PLCL1: variants seen among roughly 807,000 people sequenced by gnomAD.
PLCL1 encodes inactive phospholipase C-like protein 1.
In PLCL1, 41 loss-of-function variants were observed where a neutral mutation model predicts 84.4. That is an observed-to-expected ratio of 0.49 (90% confidence interval 0.38 to 0.63). The LOEUF (loss-of-function observed/expected upper bound fraction) is 0.63, where lower values mean the gene tolerates loss of function less well. PLCL1 is among the 30% of genes least tolerant of loss of function. PLCL1 has a pLI of 0.00. For missense variants in PLCL1, 1,206 were observed against 1,367.8 expected, an observed-to-expected ratio of 0.88 and a Z score of 1.87; for synonymous variants, 490 against 488.3, an observed-to-expected ratio of 1.00 and a Z score of -0.05.
chr2:197,946,605 G>T (rs1472038313), intron 1 of PLCL1, among the ~76,000 whole-genome samples: 1 of 152,142 alleles, frequency 6.6e-6, no homozygotes, highest in Non-Finnish European at 1.5e-5. Context: ...CTGGAATCAA[G>T]GGAGAATATA....
chr2:198,140,016 C>G (rs911725359), intron 5 of PLCL1, among the ~76,000 whole-genome samples: 6 of 152,022 alleles, frequency 3.9e-5, no homozygotes, highest in Non-Finnish European at 7.4e-5. Flanking sequence ...TCAATGCAGC[C>G]TCCACCTCCT....
rs540568071 is a variant in PLCL1, at chr2:197,828,311, T to C, written c.240+22972T>C. ...AATGCCACATAGAAAACTTATATTA[T>C]TGAGACGTTTTGATGATCAAAATTA... On this transcript the variant is annotated intron_variant, in intron 1 of 5. Transcript: ENST00000428675. Among the ~76,000 whole-genome samples, 93 of 152,252 alleles carry C rather than the reference T, an allele frequency of 6.1e-4. 1 individual carries two copies. The highest frequency in any genetic ancestry group is 2.2e-3 in the African/African-American group (93 of 41,584).
chr2:198,075,188 C>T (rs1329444868), intron 1 of PLCL1, among the ~76,000 whole-genome samples: 1 of 152,172 alleles, frequency 6.6e-6, no homozygotes, highest in Non-Finnish European at 1.5e-5. Context: ...CAGGGGTCTC[C>T]TGAGGAAGGA....
At chr2:197,948,642 T>C (rs949909707) in intron 1 of PLCL1, among the ~76,000 whole-genome samples, 3 of 152,092 alleles carry the variant, frequency 2.0e-5, no homozygotes, top group Non-Finnish European at 4.4e-5. Context: ...AGGCACTCAG[T>C]GTATAGTTGT....
intron 1 of PLCL1, among the ~76,000 whole-genome samples, chr2:197,848,084 C>A (rs1272533475): frequency 6.6e-6 from 1 of 152,168 alleles, no homozygotes; most frequent in Non-Finnish European, 1.5e-5. Flanking sequence ...TAGATGAATT[C>A]TGATAAAGCA....
chr2:197,980,874 G>T (rs1690091004), intron 1 of PLCL1, among the ~76,000 whole-genome samples: 1 of 152,130 alleles, frequency 6.6e-6, no homozygotes, highest in Non-Finnish European at 1.5e-5. Flanking sequence ...GGTGGCAAAT[G>T]GTCAGAGAAG....
At chr2:198,057,060 T>A (rs541961341) in intron 1 of PLCL1, among the ~76,000 whole-genome samples, 2 of 152,310 alleles carry the variant, frequency 1.3e-5, no homozygotes, top group African/African-American at 4.8e-5. Flanking sequence ...TGCATTTCAT[T>A]ATATTTTTAA....
At position 197,978,426 on chromosome 2, in the gene PLCL1, C is replaced by T. The variant is rs1045149022; in HGVS notation, c.241-105332C>T. Among the ~76,000 whole-genome samples the T allele has an allele frequency of 3.3e-5, 5 of 152,192 alleles. No homozygotes were observed. The East Asian group carries it at 7.7e-4, about 24-fold the overall frequency. On this transcript the variant is annotated intron_variant, in intron 1 of 5. Coordinates refer to ENST00000428675, the MANE Select transcript of PLCL1 (RefSeq NM_006226.4). ...CGGGAGGCAGAGCTTGCAAGTGAGCCGAGATGGCGGCACTGCACTCCAGCC... is the reference window on the plus strand; with the variant it reads ...CGGGAGGCAGAGCTTGCAAGTGAGCTGAGATGGCGGCACTGCACTCCAGCC...
At chr2:197,924,136 G>GAGA (rs1258909231) in intron 1 of PLCL1, among the ~76,000 whole-genome samples, 50 of 90,310 alleles carry the variant, frequency 5.5e-4, no homozygotes, top group African/African-American at 1.6e-3. Flanking sequence ...GGGAGACCGT[G>GAGA]GGGAGAGGGA....
At chr2:197,837,397 A>G (rs935013626) in intron 1 of PLCL1, among the ~76,000 whole-genome samples, 2 of 152,186 alleles carry the variant, frequency 1.3e-5, no homozygotes, top group African/African-American at 2.4e-5. Flanking sequence ...TTCAGTTGCT[A>G]CCTCTTTCTG....
chr2:198,074,792 G>C (rs1016915183), intron 1 of PLCL1, among the ~76,000 whole-genome samples: 6 of 152,158 alleles, frequency 3.9e-5, no homozygotes, highest in African/African-American at 1.2e-4. Context: ...TCTTATTCCC[G>C]TTGATATTTT....
rs1025256440 is a variant in PLCL1 at position 197,805,961 on chromosome 2, AG to A, written c.240+625del. On this transcript the variant is annotated intron_variant, in intron 1 of 5. Coordinates refer to ENST00000428675, the MANE Select transcript of PLCL1 (RefSeq NM_006226.4). This position sits in a 1 kb window ranked among gnomAD's most constrained non-coding sequence, Gnocchi z 4.0. ...GGTCCTTGTGGTTACCACCACATCC[AG>A]GGAAAACGCTTCCTGACCCGCTAAT... Among the ~76,000 whole-genome samples, 3 of 152,226 alleles carry A rather than the reference AG, an allele frequency of 2.0e-5. No individual in the cohort carries two copies. The highest frequency in any genetic ancestry group is 4.4e-5 in the Non-Finnish European group (3 of 68,038).
Position 198,149,708 on chromosome 2 carries a change from C to A in PLCL1, c.*2746C>A, listed in dbSNP as rs930336706. On this transcript the variant is annotated 3_prime_UTR_variant, in exon 6 of 6. Coordinates refer to ENST00000428675, the MANE Select transcript of PLCL1 (RefSeq NM_006226.4). ...ACTAATAACATTTTGATTTATATCC[C>A]TTTAGACACTGTTTAGAGTTTATAC... is the stretch of plus-strand genomic sequence containing the variant. 4 of 152,044 alleles carry A rather than the reference C, an allele frequency of 2.6e-5. No individual in the cohort carries two copies. The highest frequency in any genetic ancestry group is 9.7e-5 in the African/African-American group (4 of 41,400). 9.4% of individuals were successfully genotyped at this position (152,044 alleles called of 1,614,324 possible).
intron 1 of PLCL1, among the ~76,000 whole-genome samples, chr2:198,007,409 A>G (rs548679710): frequency 2.6e-5 from 4 of 152,142 alleles, no homozygotes; most frequent in East Asian, 1.9e-4. Flanking sequence ...TGTTTTGGCT[A>G]TCACAAACTC....
intron 1 of PLCL1, among the ~76,000 whole-genome samples, chr2:197,867,763 C>T (rs76296886): frequency 1.1e-3 from 170 of 152,210 alleles, no homozygotes; most frequent in African/African-American, 3.9e-3. Context: ...CTACTCTGCT[C>T]CAGGATTTCT....
intron 1 of PLCL1, among the ~76,000 whole-genome samples, chr2:197,981,941 A>G (rs1172178425): frequency 6.6e-6 from 1 of 152,172 alleles, no homozygotes; most frequent in Non-Finnish European, 1.5e-5. Flanking sequence ...ATATTTACTT[A>G]GAATTATGCA....
At chr2:198,002,216 A>T (rs192126991) in intron 1 of PLCL1, among the ~76,000 whole-genome samples, 2 of 152,086 alleles carry the variant, frequency 1.3e-5, no homozygotes, top group South Asian at 4.2e-4. Context: ...CAATTTATGT[A>T]TCTATTCTTC....
At chr2:198,055,313 C>T (rs1252134912) in intron 1 of PLCL1, among the ~76,000 whole-genome samples, 2 of 108,188 alleles carry the variant, frequency 1.8e-5, no homozygotes, top group Non-Finnish European at 3.7e-5. Context: ...CTCTCTCTCT[C>T]TCTCTCTCTC....
intron 1 of PLCL1, among the ~76,000 whole-genome samples, chr2:197,844,246 C>T (rs1687073839): frequency 6.6e-6 from 1 of 152,074 alleles, no homozygotes; most frequent in African/African-American, 2.4e-5. Context: ...ATGGTGTCAG[C>T]ACCCCAGAAG....
Sources: allele counts gnomAD v4.1 joint callset (sites outside exome capture counted in the v4.1 genomes callset), GRCh38; gene constraint gnomAD v4.1.1; non-coding constraint Gnocchi (gnomAD v3.1); transcripts MANE v1.5; gene names NCBI Gene and HGNC (gene_info 2026-07-23, HGNC 2026-07-21).